Variants in POTEC observed in about 807,000 individuals in gnomAD.
The protein encoded by POTEC is POTE ankyrin domain family member C.
Under a neutral mutation model 62.0 loss-of-function variants are expected in POTEC, and 35 were observed. The ratio of observed to expected loss-of-function variants is 0.56; its 90% CI spans 0.43 to 0.75. POTEC has a LOEUF of 0.75. Ranked by LOEUF, POTEC falls within the 30% of genes least tolerant of loss-of-function variation. The pLI is 0.00. For missense variants in POTEC, 472 were observed against 655.9 expected, an observed-to-expected ratio of 0.72 and a Z score of 3.06; for synonymous variants, 156 against 221.5, an observed-to-expected ratio of 0.70 and a Z score of 2.62.
At chr18:14,516,770 G>A (rs902655157) in intron 9 of POTEC, among the ~76,000 whole-genome samples, 10 of 151,510 alleles carry the variant, frequency 6.6e-5, no homozygotes. Flanking sequence ...AAATGACCTG[G>A]TAAATTTTCT....
chr18:14,538,258 G>C lies in POTEC; in HGVS notation c.522-9C>G, dbSNP rs1430979392. 14 of 1,608,746 alleles carry C rather than the reference G, an allele frequency of 8.7e-6. No homozygotes were observed. In the East Asian group the frequency reaches 8.9e-5, roughly 10 times the overall value. ...CCAAATGTAGAGCAGTCCTATGAGA[G>C]TGAGAAGACTTCAGGAAATTGTAGT... On this transcript the variant is annotated splice_polypyrimidine_tract_variant and intron_variant, in intron 1 of 10. Coordinates refer to ENST00000358970, the MANE Select transcript of POTEC (RefSeq NM_001137671.2).
rs1447091172 is a variant in POTEC, at chr18:14,520,750, G to A, written c.1409+1504C>T. ...AATTAGCACCTGTGGGCCAAATCCAGCCCACTGCCTGTTTTTGTAAGTAAA... is the reference window on the plus strand; with the variant it reads ...AATTAGCACCTGTGGGCCAAATCCAACCCACTGCCTGTTTTTGTAAGTAAA... On this transcript the variant is annotated intron_variant, in intron 9 of 10. Coordinates refer to ENST00000358970, the MANE Select transcript of POTEC (RefSeq NM_001137671.2). Among the ~76,000 whole-genome samples, 5 of 152,024 alleles carry A rather than the reference G, an allele frequency of 3.3e-5. No individual in the cohort carries two copies. The South Asian group carries it at 1.0e-3, about 32-fold the overall frequency.
rs201779907 is a variant in POTEC at position 14,538,106 on chromosome 18, T to A, written c.636+29A>T. On this transcript the variant is annotated intron_variant, in intron 2 of 10. Coordinates refer to ENST00000358970, the MANE Select transcript of POTEC (RefSeq NM_001137671.2). ...GCTATCTATTGAAATCAAACCCATC[T>A]CACGCTGATATAGTTGACTACTGCA... 8.7e-4 allele frequency: 1,317 copies of A among 1,514,640 alleles called. 14 individuals are homozygous for A. The highest frequency in any genetic ancestry group is 3.6e-4 in the South Asian group (28 of 77,478). 93.8% of individuals were successfully genotyped at this position (1,514,640 alleles called of 1,614,324 possible). A position where few individuals can be genotyped will look rare whatever the true frequency, so the allele number is the denominator to read the frequency against.
intron 7 of POTEC, among the ~76,000 whole-genome samples, chr18:14,524,033 G>C (rs200259646): frequency 6.6e-6 from 1 of 152,114 alleles, no homozygotes; most frequent in Admixed American, 6.6e-5. Context: ...ACACCAAACA[G>C]AAAGAAATGC....
chr18:14,533,321 C>G, intron 4 of POTEC, 123 bp from the exon 5 acceptor site: 1 of 1,529,192 alleles, frequency 6.5e-7, no homozygotes, highest in Non-Finnish European at 8.8e-7. Context: ...TTTACATGCA[C>G]TAAAAGACAT....
chr18:14,531,396 A>G (rs1374145215), intron 5 of POTEC, among the ~76,000 whole-genome samples: 1 of 151,922 alleles, frequency 6.6e-6, no homozygotes, highest in East Asian at 1.9e-4. Context: ...TTGATGTTCA[A>G]TTCCAGCTGA....
chr18:14,512,030 T>C (rs1419883731), intron 10 of POTEC, 37 bp from the exon 11 acceptor site: 11 of 1,426,446 alleles, frequency 7.7e-6, no homozygotes, highest in Middle Eastern at 2.4e-4. Flanking sequence ...TAGCACTCAA[T>C]AGAATGACAT....
intron 9 of POTEC, among the ~76,000 whole-genome samples, chr18:14,516,332 A>ACC (rs1420651909): frequency 7.2e-5 from 5 of 69,672 alleles, no homozygotes; most frequent in African/African-American, 2.6e-4. Context: ...ATATATATAT[A>ACC]TATACCTATA....
At chr18:14,519,534 T>C (rs1319413010) in intron 9 of POTEC, among the ~76,000 whole-genome samples, 5 of 151,820 alleles carry the variant, frequency 3.3e-5, no homozygotes, top group Non-Finnish European at 5.9e-5. Context: ...CTGGCCAACA[T>C]GGGGGAATGC....
In POTEC at chr18:14,509,098, TGCACTGAGGGGAC is replaced by T. The variant is rs1909924509; in HGVS notation, c.*2787_*2799del. ...TGGCTCCTCGAGGTTTGGAGTCCAC[TGCACTGAGGGGAC>T]CAAAGTGCAGCAGCTGTGGCAGAAT... On this transcript the variant is annotated 3_prime_UTR_variant, in exon 11 of 11. Coordinates refer to ENST00000358970, the MANE Select transcript of POTEC (RefSeq NM_001137671.2). 1 of 152,240 alleles carries T rather than the reference TGCACTGAGGGGAC, an allele frequency of 6.6e-6. No homozygotes were observed. The highest frequency in any genetic ancestry group is 1.5e-5 in the Non-Finnish European group (1 of 68,050). 9.4% of individuals were successfully genotyped at this position (152,240 alleles called of 1,614,324 possible).
intron 9 of POTEC, among the ~76,000 whole-genome samples, chr18:14,518,761 C>T (rs1036104548): frequency 6.8e-5 from 10 of 146,852 alleles, no homozygotes; most frequent in Non-Finnish European, 1.0e-4. Flanking sequence ...GCATTCCAGA[C>T]ACAGGGAACT....
intron 10 of POTEC, among the ~76,000 whole-genome samples, chr18:14,513,250 C>T (rs1018335883): frequency 1.7e-4 from 26 of 152,052 alleles, no homozygotes; most frequent in African/African-American, 6.0e-4. Flanking sequence ...TTCCTACTTT[C>T]CTATTAGTGA....
chr18:14,520,034 TGAA>T (rs778313485), intron 9 of POTEC, among the ~76,000 whole-genome samples: 9 of 152,156 alleles, frequency 5.9e-5, no homozygotes, highest in Non-Finnish European at 1.0e-4. Flanking sequence ...CTGCTGAAAT[TGAA>T]GACTTACTGG....
In POTEC at chr18:14,507,834, T is replaced by C. The variant is rs1047538706; in HGVS notation, c.*4064A>G. On this transcript the variant is annotated 3_prime_UTR_variant, in exon 11 of 11. Coordinates refer to ENST00000358970, the MANE Select transcript of POTEC (RefSeq NM_001137671.2). ...AACGATCTTGTTTCTCCTTCACTTA[T>C]GATGCTTAATTTTGCTGGACATGAA... 5 of 152,258 alleles carry C rather than the reference T, an allele frequency of 3.3e-5. No individual in the cohort carries two copies. Among genetic ancestry groups the C allele is most frequent in the African/African-American group, 9.6e-5 (4 of 41,472 alleles). 9.4% of individuals were successfully genotyped at this position (152,258 alleles called of 1,614,324 possible).
chr18:14,532,495 A>C (rs1905558374), intron 5 of POTEC, among the ~76,000 whole-genome samples: 1 of 152,166 alleles, frequency 6.6e-6, no homozygotes, highest in Admixed American at 6.5e-5. Context: ...CTTGGTGTCA[A>C]AGGTCAACAA....
At chr18:14,526,943 G>A (rs912832002) in intron 6 of POTEC, among the ~76,000 whole-genome samples, 17 of 152,222 alleles carry the variant, frequency 1.1e-4, no homozygotes, top group African/African-American at 2.9e-4. Flanking sequence ...ATGATACTAC[G>A]TAGCAAATTC....
chr18:14,528,269 G>A (rs1180896028), intron 6 of POTEC, among the ~76,000 whole-genome samples: 1 of 152,148 alleles, frequency 6.6e-6, no homozygotes, highest in African/African-American at 2.4e-5. Flanking sequence ...ATGAGCCCCT[G>A]CAGCACACAT....
In POTEC at chr18:14,507,526, T is replaced by G. The variant is rs1428520724; in HGVS notation, c.*4372A>C. On this transcript the variant is annotated 3_prime_UTR_variant, in exon 11 of 11. Transcript: ENST00000358970. ...GCATACTCCAATGGGTCTTGGTTCT[T>G]TATCCAGCTTGCCCCCTGTGTCTTT... The G allele has an allele frequency of 6.6e-6, 1 of 151,718 alleles. No homozygotes were observed. The highest frequency in any genetic ancestry group is 1.5e-5 in the Non-Finnish European group (1 of 67,994). The allele number at this position is 151,718 out of a possible 1,614,324, so 9.4% of individuals were successfully genotyped here. A position where few individuals can be genotyped will look rare whatever the true frequency, so the allele number is the denominator to read the frequency against.
intron 9 of POTEC, among the ~76,000 whole-genome samples, chr18:14,518,936 A>T (rs1223801983): frequency 6.6e-6 from 1 of 152,178 alleles, no homozygotes; most frequent in Non-Finnish European, 1.5e-5. Context: ...CAGAGGAATG[A>T]AACAATTTGA....
Sources: allele counts gnomAD v4.1 joint callset (sites outside exome capture counted in the v4.1 genomes callset), GRCh38; gene constraint gnomAD v4.1.1; transcripts MANE v1.5; gene names NCBI Gene and HGNC (gene_info 2026-07-23, HGNC 2026-07-21).